Variants in USP44 observed in about 807,000 individuals in gnomAD.
USP44 encodes ubiquitin carboxyl-terminal hydrolase 44.
Under a neutral mutation model 69.0 loss-of-function variants are expected in USP44, and 61 were observed. The ratio of observed to expected loss-of-function variants is 0.88; its 90% CI spans 0.72 to 1.09. The LOEUF is 1.09. Among genes scored for constraint, USP44 ranks in the 50% least tolerant of loss-of-function variants. The probability of loss-of-function intolerance (pLI) is 0.00; values close to 1 mark genes in which losing one functional copy is unlikely to be tolerated. For missense variants in USP44, 753 were observed against 849.9 expected, an observed-to-expected ratio of 0.89 and a Z score of 1.42; for synonymous variants, 297 against 295.4, an observed-to-expected ratio of 1.01 and a Z score of -0.06.
intron 4 of USP44, among the ~76,000 whole-genome samples, chr12:95,523,772 T>C (rs2076743596): frequency 6.6e-6 from 1 of 151,898 alleles, no homozygotes; most frequent in Non-Finnish European, 1.5e-5. Flanking sequence ...ATGGTTTGCT[T>C]CTGAAGAGGG....
chr12:95,537,357 CG>C (rs1236316166), intron 1 of USP44, among the ~76,000 whole-genome samples: 1 of 152,032 alleles, frequency 6.6e-6, no homozygotes, highest in Admixed American at 6.6e-5. Context: ...CTCACTCTGT[CG>C]CCCAGGCTGG....
chr12:95,523,315 T>C (rs1174750104), intron 4 of USP44, among the ~76,000 whole-genome samples: 1 of 152,194 alleles, frequency 6.6e-6, no homozygotes, highest in Non-Finnish European at 1.5e-5. Flanking sequence ...CCTGGAGTTA[T>C]GACTGGGGTC....
At chr12:95,549,216 C>A (rs942617296) in intron 1 of USP44, among the ~76,000 whole-genome samples, 1 of 152,228 alleles carries the variant, frequency 6.6e-6, no homozygotes, top group East Asian at 1.9e-4. Flanking sequence ...ATCTTTAAAA[C>A]CTTCCCCAAT....
chr12:95,524,496 C>T, intron 4 of USP44, 184 bp downstream of exon 4: 1 of 465,032 alleles, frequency 2.2e-6, no homozygotes, highest in Admixed American at 4.0e-5. Context: ...GACTCGATCT[C>T]TAAATAAATA....
At chr12:95,523,578 C>T (rs1453094625) in intron 4 of USP44, among the ~76,000 whole-genome samples, 5 of 151,282 alleles carry the variant, frequency 3.3e-5, no homozygotes, top group South Asian at 2.1e-4. Context: ...CAGCCAGGTG[C>T]GGTGGCTCAC....
chr12:95,534,389 G>T, intron 1 of USP44, 63 bp from the exon 2 acceptor site: 1 of 875,908 alleles, frequency 1.1e-6, no homozygotes, highest in Non-Finnish European at 1.7e-6. Context: ...TTTTTCCCAA[G>T]AATAATAAAG....
chr12:95,527,554 G>A (rs1180653185), intron 3 of USP44, among the ~76,000 whole-genome samples: 1 of 151,390 alleles, frequency 6.6e-6, no homozygotes, highest in Non-Finnish European at 1.5e-5. Context: ...GCACGATCTT[G>A]GCTCACTGCA....
chr12:95,517,510 C>G lies in USP44; in HGVS notation c.*644G>C, dbSNP rs946431732. 6.6e-6 allele frequency: 1 copy of G among 152,034 alleles called. No individual in the cohort carries two copies. The highest frequency in any genetic ancestry group is 2.4e-5 in the African/African-American group (1 of 41,410). 9.4% of individuals were successfully genotyped at this position (152,034 alleles called of 1,614,324 possible). A position where few individuals can be genotyped will look rare whatever the true frequency, so the allele number is the denominator to read the frequency against. ...CATCATTTTTTTCATGTCCATAGTT[C>G]CAGAGTTCACTTAAATATACTATTT... On this transcript the variant is annotated 3_prime_UTR_variant, in exon 6 of 6. Transcript: ENST00000258499.
At chr12:95,518,442 A>T (rs919871908) in intron 5 of USP44, 89 bp from the exon 6 acceptor site, 20 of 1,326,138 alleles carry the variant, frequency 1.5e-5, no homozygotes, top group Non-Finnish European at 1.7e-5. Context: ...TTCTGAAGGG[A>T]AAATAATTTT....
intron 1 of USP44, among the ~76,000 whole-genome samples, chr12:95,550,152 T>G (rs2077697837): frequency 7.4e-6 from 1 of 135,098 alleles, no homozygotes; most frequent in Non-Finnish European, 1.5e-5. Context: ...CACTCAAGCC[T>G]GGGCAGCAAC....
chr12:95,541,959 A>C (rs1166036440), intron 1 of USP44, among the ~76,000 whole-genome samples: 4 of 146,768 alleles, frequency 2.7e-5, no homozygotes, highest in Non-Finnish European at 5.9e-5. Flanking sequence ...GGCTCACTGC[A>C]ACTTCCGTTG....
At chr12:95,519,501 G>A (rs1413180428) in intron 5 of USP44, among the ~76,000 whole-genome samples, 13 of 141,248 alleles carry the variant, frequency 9.2e-5, no homozygotes, top group South Asian at 2.3e-4. Flanking sequence ...GTACAGTGGC[G>A]CAGTCTCGGC....
chr12:95,526,892 A>G (rs1205844181), intron 3 of USP44, among the ~76,000 whole-genome samples: 2 of 152,090 alleles, frequency 1.3e-5, no homozygotes, highest in African/African-American at 4.8e-5. Context: ...GATGCTATGT[A>G]AGTATATCTT....
chr12:95,540,837 G>A (rs1236976402), intron 1 of USP44, among the ~76,000 whole-genome samples: 1 of 152,058 alleles, frequency 6.6e-6, no homozygotes, highest in Non-Finnish European at 1.5e-5. Flanking sequence ...ATTAACCTTT[G>A]AGTTTGCTCT....
chr12:95,540,133 G>A (rs779716465), intron 1 of USP44, among the ~76,000 whole-genome samples: 2 of 152,028 alleles, frequency 1.3e-5, no homozygotes, highest in African/African-American at 2.4e-5. Flanking sequence ...TTGATCATCA[G>A]TTCTAGACAG....
chr12:95,523,815 G>T (rs139220957), intron 4 of USP44, among the ~76,000 whole-genome samples: 5 of 152,092 alleles, frequency 3.3e-5, no homozygotes, highest in Non-Finnish European at 4.4e-5. Flanking sequence ...ACACACAGGG[G>T]ACATCAAAGG....
At position 95,533,693 on chromosome 12, in the gene USP44, T is replaced by C; in HGVS notation, c.564A>G (p.Arg188=). 6.2e-7 allele frequency: 1 copy of C among 1,613,956 alleles called. No homozygotes were observed. The highest frequency in any genetic ancestry group is 1.6e-4 in the Middle Eastern group (1 of 6,062). ...ATTCCTGCCGTCTTTTCTTTACTTC[T>C]CTTTTTACTACTATTTTTTCCTGAA... ...EPFQEKIVVK[R]EVKKRRQELE... Residue 188 remains arginine (R), a synonymous_variant, in exon 2 of 6, where the codon AGA becomes AGG. Transcript: ENST00000258499.
chr12:95,523,989 G>A (rs1043365266), intron 4 of USP44, among the ~76,000 whole-genome samples: 1 of 151,968 alleles, frequency 6.6e-6, no homozygotes, highest in Non-Finnish European at 1.5e-5. Flanking sequence ...TGATTCTCCT[G>A]TCTCAGCCTC....
At chr12:95,527,125 C>T (rs1488747080) in intron 3 of USP44, among the ~76,000 whole-genome samples, 2 of 147,612 alleles carry the variant, frequency 1.4e-5, no homozygotes, top group East Asian at 2.0e-4. Flanking sequence ...GACAGAGTCT[C>T]GCACTGTTGC....
Sources: allele counts gnomAD v4.1 joint callset (sites outside exome capture counted in the v4.1 genomes callset), GRCh38; gene constraint gnomAD v4.1.1; transcripts MANE v1.5; gene names NCBI Gene and HGNC (gene_info 2026-07-23, HGNC 2026-07-21).